The following PSTPIP2 variants were observed in gnomAD, a reference collection of about 807,000 sequenced individuals.
PSTPIP2 encodes proline-serine-threonine phosphatase interacting protein 2.
Under a neutral mutation model 63.3 loss-of-function variants are expected in PSTPIP2, and 33 were observed. The ratio of observed to expected loss-of-function variants is 0.52; its 90% CI spans 0.40 to 0.70. The LOEUF is 0.70. Among genes scored for constraint, PSTPIP2 ranks in the 30% least tolerant of loss-of-function variants. The pLI is 0.00. For missense variants in PSTPIP2, 312 were observed against 400.7 expected, an observed-to-expected ratio of 0.78 and a Z score of 1.89; for synonymous variants, 125 against 132.7, an observed-to-expected ratio of 0.94 and a Z score of 0.40.
At chr18:45,988,139 C>T (rs1202462784) in intron 14 of PSTPIP2, among the ~76,000 whole-genome samples, 1 of 152,036 alleles carries the variant, frequency 6.6e-6, no homozygotes, top group Non-Finnish European at 1.5e-5. Flanking sequence ...TTAATAAGAG[C>T]AGATAAAGAG....
In PSTPIP2 at chr18:46,037,245, C is replaced by T. The variant is rs143266395; in HGVS notation, c.134+2702G>A. 8.6e-4 allele frequency among the ~76,000 whole-genome samples: 131 copies of T among 152,216 alleles called. 2 individuals are homozygous for T. The East Asian group carries it at 0.024, about 28-fold the overall frequency. ...TCAGCTCACTGCAACATCCGCCTCC[C>T]GGGTTCAAGTAATTCTCCTGCCTCA... is the stretch of plus-strand genomic sequence containing the variant. On this transcript the variant is annotated intron_variant, in intron 2 of 14. Coordinates refer to ENST00000409746, the MANE Select transcript of PSTPIP2 (RefSeq NM_024430.4).
At chr18:46,063,028 C>A (rs1034860915) in intron 1 of PSTPIP2, among the ~76,000 whole-genome samples, 2 of 152,070 alleles carry the variant, frequency 1.3e-5, no homozygotes, top group African/African-American at 4.8e-5. Context: ...AGTGAGACAG[C>A]GTCTTGCTCT....
intron 5 of PSTPIP2, among the ~76,000 whole-genome samples, chr18:46,009,133 G>A (rs1201931490): frequency 6.6e-6 from 1 of 151,988 alleles, no homozygotes; most frequent in African/African-American, 2.4e-5. Flanking sequence ...GTACGTCTTG[G>A]TCACCACCTT....
intron 6 of PSTPIP2, among the ~76,000 whole-genome samples, chr18:46,001,769 A>G (rs910397483): frequency 2.6e-5 from 4 of 151,928 alleles, no homozygotes; most frequent in Admixed American, 6.6e-5. Flanking sequence ...TTGTGGGTAC[A>G]TAGTAGGTTT....
intron 1 of PSTPIP2, among the ~76,000 whole-genome samples, chr18:46,045,175 C>G (rs1299504460): frequency 6.6e-6 from 1 of 152,080 alleles, no homozygotes; most frequent in Non-Finnish European, 1.5e-5. Flanking sequence ...ACCCAAAGGA[C>G]TATATAAATC....
At chr18:46,034,976 T>A (rs1907914582) in intron 2 of PSTPIP2, among the ~76,000 whole-genome samples, 1 of 152,210 alleles carries the variant, frequency 6.6e-6, no homozygotes, top group African/African-American at 2.4e-5. Flanking sequence ...TCTGCTCATA[T>A]CAGGAGCTCA....
chr18:46,038,725 G>A (rs140712798), intron 2 of PSTPIP2, among the ~76,000 whole-genome samples: 38 of 152,336 alleles, frequency 2.5e-4, no homozygotes, highest in Non-Finnish European at 4.4e-4. Context: ...GCTGACAGTA[G>A]CCGAGCCTCT....
At chr18:46,033,982 T>C (rs1268316132) in intron 2 of PSTPIP2, among the ~76,000 whole-genome samples, 1 of 152,168 alleles carries the variant, frequency 6.6e-6, no homozygotes, top group Non-Finnish European at 1.5e-5. Flanking sequence ...CCAACAGTCC[T>C]AAAAAACTAA....
At position 45,983,615 on chromosome 18, in the gene PSTPIP2, G is replaced by A. The variant is rs1255188323; in HGVS notation, c.*1844C>T. The A allele has an allele frequency of 2.6e-5, 4 of 152,060 alleles. No homozygotes were observed. The highest frequency in any genetic ancestry group is 1.3e-4 in the Admixed American group (2 of 15,254). 9.4% of individuals were successfully genotyped at this position (152,060 alleles called of 1,614,324 possible). A position where few individuals can be genotyped will look rare whatever the true frequency, so the allele number is the denominator to read the frequency against. ...TAAAAATATTTTCCATCCACAAAAC[G>A]GTTTTACATCAACTACACTGACCAA... On this transcript the variant is annotated 3_prime_UTR_variant, in exon 15 of 15. Coordinates refer to ENST00000409746, the MANE Select transcript of PSTPIP2 (RefSeq NM_024430.4).
intron 4 of PSTPIP2, among the ~76,000 whole-genome samples, chr18:46,015,692 C>T (rs2051845726): frequency 6.6e-6 from 1 of 152,032 alleles, no homozygotes; most frequent in Admixed American, 6.6e-5. Context: ...AGAAGCATGG[C>T]TCTGAGTAAG....
intron 1 of PSTPIP2, among the ~76,000 whole-genome samples, chr18:46,050,121 A>C (rs1283452390): frequency 6.6e-6 from 1 of 152,252 alleles, no homozygotes; most frequent in Non-Finnish European, 1.5e-5. Context: ...ACTGGCAGAA[A>C]TGCACATTGG....
chr18:46,043,382 C>A (rs1432446572), intron 1 of PSTPIP2, among the ~76,000 whole-genome samples: 1 of 150,762 alleles, frequency 6.6e-6, no homozygotes, highest in African/African-American at 2.4e-5. Flanking sequence ...CAGAGTGAGC[C>A]CCTGTCTCAA....
At chr18:46,064,257 C>CT (rs917664775) in intron 1 of PSTPIP2, among the ~76,000 whole-genome samples, 1 of 124,510 alleles carries the variant, frequency 8.0e-6, no homozygotes, top group Non-Finnish European at 1.8e-5. Flanking sequence ...TTTTTCTTTT[C>CT]TTTTTTTCTT....
intron 2 of PSTPIP2, among the ~76,000 whole-genome samples, chr18:46,026,455 T>C (rs996182619): frequency 6.6e-6 from 1 of 152,250 alleles, no homozygotes; most frequent in African/African-American, 2.4e-5. Context: ...AGACTATGTA[T>C]ATACAACTTA....
At chr18:46,029,528 G>A (rs2144101324) in intron 2 of PSTPIP2, 1 of 819,610 alleles carries the variant, frequency 1.2e-6, no homozygotes, top group East Asian at 2.4e-5. Context: ...GTTGCTTGTG[G>A]TTCTAATTGT....
intron 10 of PSTPIP2, among the ~76,000 whole-genome samples, chr18:45,993,162 T>C (rs545162659): frequency 6.6e-6 from 1 of 152,338 alleles, no homozygotes; most frequent in South Asian, 2.1e-4. Flanking sequence ...TGGCACGATC[T>C]TGGCTCACTG....
At chr18:46,004,946 C>G (rs1036351444) in intron 6 of PSTPIP2, among the ~76,000 whole-genome samples, 5 of 152,138 alleles carry the variant, frequency 3.3e-5, no homozygotes, top group Admixed American at 3.3e-4. Flanking sequence ...ATAGCAAAGA[C>G]ACGGAATCAA....
At chr18:45,988,209 A>G (rs1437002015) in intron 14 of PSTPIP2, among the ~76,000 whole-genome samples, 6 of 152,164 alleles carry the variant, frequency 3.9e-5, no homozygotes, top group African/African-American at 1.4e-4. Context: ...AGGTGGGCAG[A>G]TCACTTCAGG....
chr18:46,022,740 G>T (rs1907413172), intron 3 of PSTPIP2, among the ~76,000 whole-genome samples: 1 of 152,118 alleles, frequency 6.6e-6, no homozygotes, highest in African/African-American at 2.4e-5. Flanking sequence ...TAGGCACCAT[G>T]ACCTGGTCAC....
Sources: gnomAD v4.1 joint callset for allele counts (sites outside exome capture counted in the v4.1 genomes callset) on GRCh38, gnomAD v4.1.1 for gene constraint, MANE v1.5 for transcripts, NCBI Gene and HGNC (gene_info 2026-07-23, HGNC 2026-07-21) for gene names.